MAPT: variants seen among roughly 807,000 people sequenced by gnomAD.
The protein encoded by MAPT is microtubule-associated protein tau.
A neutral mutation model predicts 67.9 loss-of-function variants in MAPT; 34 were observed. The ratio of observed to expected loss-of-function variants is 0.50; its 90% confidence interval spans 0.38 to 0.67. The LOEUF is 0.67. Ranked by LOEUF, MAPT falls within the 30% of genes least tolerant of loss-of-function variation. The probability of loss-of-function intolerance (pLI) is 0.00; values close to 1 mark genes in which losing one functional copy is unlikely to be tolerated. For missense variants in MAPT, 881 were observed against 1,115.2 expected (o/e 0.79, Z 2.99); for synonymous variants, 456 against 464.5 (o/e 0.98, Z 0.23).
chr17:45,922,534 G>T (rs2144453651), intron 1 of MAPT, among the ~76,000 whole-genome samples: 1 of 121,834 alleles, frequency 8.2e-6, no homozygotes, highest in Non-Finnish European at 2.0e-5. Context: ...GGTCTTACAA[G>T]TCAGTTTTAT....
chr17:46,003,348 G>A (rs1392185529), intron 9 of MAPT, among the ~76,000 whole-genome samples: 1 of 151,204 alleles, frequency 6.6e-6, no homozygotes, highest in East Asian at 2.0e-4. Flanking sequence ...GTGCAATCTC[G>A]GCTCACTGCA....
chr17:45,964,191 GTTTTGTTTTT>G (rs1317594169), intron 2 of MAPT, among the ~76,000 whole-genome samples: 1 of 151,186 alleles, frequency 6.6e-6, no homozygotes, highest in African/African-American at 2.4e-5. Context: ...TTTCTCCTTT[GTTTTGTTTTT>G]TTTTGTTTTG....
At chr17:45,978,719 T>G in intron 4 of MAPT, 2 of 467,708 alleles carry the variant, frequency 4.3e-6, no homozygotes, top group East Asian at 7.1e-5. Context: ...TAACAGAAAC[T>G]CTAGGCCGGG....
At chr17:45,921,972 C>T (rs937553578) in intron 1 of MAPT, among the ~76,000 whole-genome samples, 3 of 151,892 alleles carry the variant, frequency 2.0e-5, no homozygotes, top group Non-Finnish European at 4.4e-5. Context: ...CTCCCTGAGG[C>T]GCCTCTTTCT....
intron 9 of MAPT, among the ~76,000 whole-genome samples, chr17:45,997,177 C>T (rs941839583): frequency 1.3e-5 from 2 of 152,152 alleles, no homozygotes; most frequent in Non-Finnish European, 2.9e-5. Flanking sequence ...AGTGGGTGCT[C>T]GCGAGCTCTC....
chr17:46,021,828 C>A (rs902147319), intron 12 of MAPT, among the ~76,000 whole-genome samples: 1 of 152,096 alleles, frequency 6.6e-6, no homozygotes, highest in African/African-American at 2.4e-5. Flanking sequence ...CAGGGCCCTG[C>A]CCCCTACTCA....
chr17:45,941,735 C>T (rs1388893828), intron 1 of MAPT, among the ~76,000 whole-genome samples: 3 of 140,008 alleles, frequency 2.1e-5, no homozygotes, highest in Non-Finnish European at 4.7e-5. Flanking sequence ...TCCTTCCTTC[C>T]TTCCTTCCTT....
intron 6 of MAPT, 149 bp from the exon 7 acceptor site, chr17:45,989,729 A>T (rs530646894): frequency 1.4e-6 from 1 of 711,514 alleles, no homozygotes; most frequent in Non-Finnish European, 2.5e-6. Flanking sequence ...CAGAAGGGAT[A>T]TTAAGGGTAC....
Position 45,983,079 on chromosome 17 carries a change from C to A in MAPT, c.500C>A (p.Pro167His). The change falls in exon 5 of 13, where the codon CCT (proline) becomes CAT (histidine). Residue 167 changes from proline to histidine, a missense_variant. Pro to His is a moderately conservative substitution (Grantham distance 77). Transcript: ENST00000262410. The part of the protein sequence containing the change: ...VCPAPPPTGG[P>H]QEPSLEWGQK... ...CCAGCGCCTCCTCCAACAGGAGGCC[C>A]TCAGGAGCCCTCCCTGGAGTGGGGA... 1 of 1,541,560 alleles carries A rather than the reference C, an allele frequency of 6.5e-7. No individual in the cohort carries two copies.
chr17:45,922,206 C>T (rs1373239006), intron 1 of MAPT, among the ~76,000 whole-genome samples: 2 of 151,872 alleles, frequency 1.3e-5, no homozygotes, highest in Non-Finnish European at 2.9e-5. Flanking sequence ...AGAGACGGCC[C>T]GAAGTGCTAG....
At chr17:45,962,224 C>A in intron 1 of MAPT, 97 bp from the exon 2 acceptor site, 1 of 1,017,418 alleles carries the variant, frequency 9.8e-7, no homozygotes, top group Non-Finnish European at 1.5e-6. Context: ...CTGAGATCTG[C>A]CTGCCATGAA....
intron 1 of MAPT, among the ~76,000 whole-genome samples, chr17:45,927,932 G>A (rs1045942070): frequency 4.6e-5 from 7 of 151,124 alleles, no homozygotes; most frequent in Middle Eastern, 3.4e-3. Context: ...CCTGGTAGGC[G>A]GAGGTTGCAG....
chr17:45,980,506 TA>T (rs11356119), intron 4 of MAPT: 133 of 136,052 alleles, frequency 9.8e-4, no homozygotes, highest in Non-Finnish European at 1.1e-3. Context: ...AGACTCTGTT[TA>T]AAAAAAAAAA....
At chr17:46,008,287 A>C (rs1387165438) in intron 9 of MAPT, among the ~76,000 whole-genome samples, 2 of 152,102 alleles carry the variant, frequency 1.3e-5, no homozygotes, top group Non-Finnish European at 2.9e-5. Context: ...ACGGGGTTTC[A>C]CCACGTTGGC....
intron 3 of MAPT, chr17:45,974,908 A>C: frequency 1.5e-5 from 3 of 198,398 alleles, no homozygotes; most frequent in Non-Finnish European, 3.1e-5. Flanking sequence ...TGACTGGACC[A>C]CACCTTTTGG....
At position 45,971,946 on chromosome 17, in the gene MAPT, G is replaced by T. The variant is rs746344651; in HGVS notation, c.220+1G>T. 1 of 1,613,842 alleles carries T rather than the reference G, an allele frequency of 6.2e-7. No homozygotes were observed. The highest frequency in any genetic ancestry group is 1.6e-4 in the Middle Eastern group (1 of 6,062). Reference sequence around the variant, plus strand: ...GCTAAGAGCACTCCAACAGCGGAAGGTGGGCCCCCCTTCAGACGCCCCCTC... The same window carrying T: ...GCTAAGAGCACTCCAACAGCGGAAGTTGGGCCCCCCTTCAGACGCCCCCTC... On this transcript the variant is annotated splice_donor_variant, in intron 3 of 12. Coordinates refer to ENST00000262410, the MANE Select transcript of MAPT (RefSeq NM_001377265.1). LOFTEE classifies it high-confidence loss of function. The surrounding 1 kb of genome is among the most constrained non-coding windows in gnomAD (Gnocchi z 4.3).
In MAPT at chr17:45,983,942, G is replaced by A. The variant is rs764471286; in HGVS notation, c.1351+12G>A. ...CCCTCAACTCAAAGGTCTGTGTCTTGAGCTTCTTCGCTCCTTCCCTGGGGA... is the reference window on the plus strand; with the variant it reads ...CCCTCAACTCAAAGGTCTGTGTCTTAAGCTTCTTCGCTCCTTCCCTGGGGA... On this transcript the variant is annotated intron_variant, in intron 5 of 12. Transcript: ENST00000262410. 2.2e-5 allele frequency: 34 copies of A among 1,538,514 alleles called. No individual in the cohort carries two copies. The Admixed American group carries it at 7.0e-4, about 32-fold the overall frequency.
At chr17:45,956,791 C>T (rs1456078087) in intron 1 of MAPT, among the ~76,000 whole-genome samples, 1 of 150,940 alleles carries the variant, frequency 6.6e-6, no homozygotes, top group Admixed American at 6.6e-5. Context: ...GTTCCCCTTC[C>T]TGTGTCCAAG....
At chr17:45,903,406 T>G (rs2063746158) in intron 1 of MAPT, among the ~76,000 whole-genome samples, 1 of 152,020 alleles carries the variant, frequency 6.6e-6, no homozygotes, top group East Asian at 1.9e-4. Context: ...AAAAGAGACT[T>G]CTTGGGTAAT....
Sources: gnomAD v4.1 joint callset for allele counts (sites outside exome capture counted in the v4.1 genomes callset) on GRCh38, gnomAD v4.1.1 for gene constraint, Gnocchi (gnomAD v3.1) non-coding constraint, MANE v1.5 for transcripts, NCBI Gene and HGNC (gene_info 2026-07-23, HGNC 2026-07-21) for gene names.